Variants in WDR25 observed in about 807,000 individuals in gnomAD.
The protein encoded by WDR25 is WD repeat-containing protein 25.
Under a neutral mutation model 47.7 loss-of-function variants are expected in WDR25, and 35 were observed. That is an observed-to-expected ratio of 0.73 (90% confidence interval 0.56 to 0.97). WDR25 has a LOEUF of 0.97. Among genes scored for constraint, WDR25 ranks in the 50% least tolerant of loss-of-function variants. WDR25 has a pLI of 0.00. For missense variants in WDR25, 634 were observed against 704.7 expected, an observed-to-expected ratio of 0.90 and a Z score of 1.14; for synonymous variants, 248 against 278.9, an observed-to-expected ratio of 0.89 and a Z score of 1.10.
chr14:100,422,194 G>A (rs1316192305), intron 2 of WDR25, among the ~76,000 whole-genome samples: 1 of 152,186 alleles, frequency 6.6e-6, no homozygotes, highest in African/African-American at 2.4e-5. Context: ...GGAAGCATCT[G>A]CAGGTCTGTT....
At chr14:100,489,390 G>A (rs770851965) in intron 4 of WDR25, among the ~76,000 whole-genome samples, 4 of 152,204 alleles carry the variant, frequency 2.6e-5, no homozygotes, top group Non-Finnish European at 5.9e-5. Flanking sequence ...GCAGTGTGGG[G>A]AATGTTCCAA....
intron 3 of WDR25, among the ~76,000 whole-genome samples, chr14:100,477,053 A>G (rs141326743): frequency 6.6e-6 from 1 of 152,234 alleles, no homozygotes; most frequent in East Asian, 1.9e-4. Flanking sequence ...TTAACTAAGA[A>G]CTTCTTAGTT....
Position 100,381,183 on chromosome 14 carries a change from G to T in WDR25, c.259G>T (p.Asp87Tyr). 6.2e-7 allele frequency: 1 copy of T among 1,614,152 alleles called. No individual in the cohort carries two copies. Among genetic ancestry groups the T allele is most frequent in the Non-Finnish European group, 8.5e-7 (1 of 1,180,026 alleles). ...TCCATTGGCTCAGCTTGGGAGAAGC[G>T]ATTGGGGATCTTGCCCCAGCCAGAG... ...RLPLAQLGRS[D>Y]WGSCPSQRLQ... The change falls in exon 2 of 7, where the codon GAT becomes TAT. Residue 87 changes from aspartate to tyrosine, a missense_variant. Transcript: ENST00000402312.
chr14:100,443,195 C>T (rs961974018), intron 2 of WDR25, among the ~76,000 whole-genome samples: 3 of 152,262 alleles, frequency 2.0e-5, no homozygotes, highest in Admixed American at 2.0e-4. Flanking sequence ...TTCCTCACCA[C>T]TGCATATAAC....
chr14:100,404,168 C>T lies in WDR25; in HGVS notation c.822+22422C>T, dbSNP rs576439825. 6.6e-6 allele frequency among the ~76,000 whole-genome samples: 1 copy of T among 152,204 alleles called. No individual in the cohort carries two copies. The highest frequency in any genetic ancestry group is 2.4e-5 in the African/African-American group (1 of 41,452). Reference sequence around the variant, plus strand: ...CCCCATACGCACATGATTGGTCCCCCTGAAACCTCTGAGGTGCCGATGGCA... The same window carrying T: ...CCCCATACGCACATGATTGGTCCCCTTGAAACCTCTGAGGTGCCGATGGCA... On this transcript the variant is annotated intron_variant, in intron 2 of 6. Transcript: ENST00000402312. The surrounding 1 kb of genome is among the most constrained non-coding windows in gnomAD (Gnocchi z 4.6).
At position 100,512,562 on chromosome 14, in the gene WDR25, C is replaced by T. The variant is rs558788809; in HGVS notation, c.1102-13308C>T. On this transcript the variant is annotated intron_variant, in intron 4 of 6. Coordinates refer to ENST00000402312, the MANE Select transcript of WDR25 (RefSeq NM_001161476.3). ...CAGATTTTCATTTTATTGTCTTTTA[C>T]TCTTTCTTTTCTTTTTACAGAACTC... Among the ~76,000 whole-genome samples the T allele has an allele frequency of 2.6e-5, 4 of 152,162 alleles. No individual in the cohort carries two copies. The East Asian group carries it at 7.7e-4, about 29-fold the overall frequency.
At chr14:100,472,422 C>T (rs1899871709) in intron 3 of WDR25, among the ~76,000 whole-genome samples, 1 of 152,270 alleles carries the variant, frequency 6.6e-6, no homozygotes, top group Non-Finnish European at 1.5e-5. Context: ...TCTACCACAC[C>T]ACCTGGTGCT....
intron 2 of WDR25, among the ~76,000 whole-genome samples, chr14:100,458,449 C>T (rs1203641146): frequency 1.3e-5 from 2 of 151,960 alleles, no homozygotes; most frequent in African/African-American, 4.8e-5. Context: ...ATAGTAAAAT[C>T]CACAATTATA....
intron 2 of WDR25, among the ~76,000 whole-genome samples, chr14:100,403,359 T>C (rs1221649312): frequency 6.6e-6 from 1 of 152,144 alleles, no homozygotes; most frequent in Non-Finnish European, 1.5e-5. Flanking sequence ...AAAGCACATA[T>C]GGCCAAATGT....
At chr14:100,492,818 A>G (rs1595143788) in intron 4 of WDR25, among the ~76,000 whole-genome samples, 1 of 152,184 alleles carries the variant, frequency 6.6e-6, no homozygotes, top group Non-Finnish European at 1.5e-5. Flanking sequence ...TTTAACTAAA[A>G]AAATTTCTTT....
Position 100,392,822 on chromosome 14 carries a change from G to A in WDR25, c.822+11076G>A, listed in dbSNP as rs1045492493. Among the ~76,000 whole-genome samples, 5 of 152,140 alleles carry A rather than the reference G, an allele frequency of 3.3e-5. No homozygotes were observed. The highest frequency in any genetic ancestry group is 1.2e-4 in the African/African-American group (5 of 41,428). ...CTATTATATAGATAATGCTGAAGTGGTTATCTTCATGCATGAAACCCTTTT... is the reference window on the plus strand; with the variant it reads ...CTATTATATAGATAATGCTGAAGTGATTATCTTCATGCATGAAACCCTTTT... On this transcript the variant is annotated intron_variant, in intron 2 of 6. Transcript: ENST00000402312. This position sits in a 1 kb window ranked among gnomAD's most constrained non-coding sequence, Gnocchi z 4.2.
chr14:100,459,434 C>T (rs955214674), intron 2 of WDR25, among the ~76,000 whole-genome samples: 2 of 152,096 alleles, frequency 1.3e-5, no homozygotes, highest in Non-Finnish European at 2.9e-5. Context: ...GTGAATTGTA[C>T]CACTTAAGAA....
rs1897592287 is a variant in WDR25 at position 100,407,971 on chromosome 14, CAG to C, written c.822+26226_822+26227del. Among the ~76,000 whole-genome samples, 2 of 152,228 alleles carry C rather than the reference CAG, an allele frequency of 1.3e-5. No homozygotes were observed. The highest frequency in any genetic ancestry group is 2.1e-4 in the South Asian group (1 of 4,824). ...AGGGTGCAAGAACTGGCCCTGGAGA[CAG>C]GGGAGGGGTTGTGAGAGCCAGAGCA... On this transcript the variant is annotated intron_variant, in intron 2 of 6. Coordinates refer to ENST00000402312, the MANE Select transcript of WDR25 (RefSeq NM_001161476.3). This position sits in a 1 kb window ranked among gnomAD's most constrained non-coding sequence, Gnocchi z 4.1.
chr14:100,395,083 G>A (rs1031957094), intron 2 of WDR25, among the ~76,000 whole-genome samples: 2 of 152,186 alleles, frequency 1.3e-5, no homozygotes, highest in African/African-American at 4.8e-5. Flanking sequence ...GAAGTGCTTG[G>A]GCTGGTCATC....
At chr14:100,518,762 G>T (rs982335726) in intron 4 of WDR25, among the ~76,000 whole-genome samples, 5 of 151,948 alleles carry the variant, frequency 3.3e-5, no homozygotes, top group Non-Finnish European at 7.4e-5. Flanking sequence ...ATTGCAACGT[G>T]TGCCTGTAGT....
intron 2 of WDR25, among the ~76,000 whole-genome samples, chr14:100,436,137 G>A (rs1898493448): frequency 1.3e-5 from 2 of 152,314 alleles, no homozygotes; most frequent in East Asian, 1.9e-4. Context: ...TCTTTGGGAT[G>A]TGTTATGTCT....
chr14:100,410,122 C>G (rs1897663211), intron 2 of WDR25, among the ~76,000 whole-genome samples: 1 of 152,156 alleles, frequency 6.6e-6, no homozygotes, highest in Non-Finnish European at 1.5e-5. Context: ...GGGAGACAGT[C>G]AAAGCTCTAT....
At chr14:100,386,022 GA>G (rs1897011479) in intron 2 of WDR25, among the ~76,000 whole-genome samples, 1 of 152,158 alleles carries the variant, frequency 6.6e-6, no homozygotes, top group East Asian at 1.9e-4. Context: ...GTACCTGTAT[GA>G]AAACCTGCAG....
intron 2 of WDR25, among the ~76,000 whole-genome samples, chr14:100,413,650 T>C: frequency 6.6e-6 from 1 of 152,158 alleles, no homozygotes; most frequent in Non-Finnish European, 1.5e-5. Context: ...CCTGACCTCG[T>C]GATCCACCCA....
Sources: gnomAD v4.1 joint callset for allele counts (sites outside exome capture counted in the v4.1 genomes callset) on GRCh38, gnomAD v4.1.1 for gene constraint, Gnocchi (gnomAD v3.1) non-coding constraint, MANE v1.5 for transcripts, NCBI Gene and HGNC (gene_info 2026-07-23, HGNC 2026-07-21) for gene names.